The following CSNK1G1 variants were observed in gnomAD, a reference collection of about 807,000 sequenced individuals.
CSNK1G1 encodes casein kinase I isoform gamma-1.
CSNK1G1 carries 22 observed loss-of-function variants against 59.6 expected under a neutral mutation model. The observed-to-expected ratio is 0.37, with a 90% CI of 0.26 to 0.53. The LOEUF is 0.53. Ranked by LOEUF, CSNK1G1 falls within the 20% of genes least tolerant of loss-of-function variation. The pLI, the probability that CSNK1G1 is intolerant of heterozygous loss-of-function variation, is 0.89. For synonymous variants in CSNK1G1, 179 were observed against 177.1 expected (o/e 1.01, Z -0.08); for missense variants, 384 against 519.5 (o/e 0.74, Z 2.54).
At chr15:64,201,398 T>A (rs62024566) in intron 10 of CSNK1G1, among the ~76,000 whole-genome samples, 5,123 of 152,110 alleles carry the variant, frequency 0.034, 244 homozygotes, top group African/African-American at 0.11. Flanking sequence ...CACTAGCTAT[T>A]AGCTTTTAAA....
chr15:64,240,476 T>A (rs1347557697), intron 4 of CSNK1G1, among the ~76,000 whole-genome samples: 1 of 151,954 alleles, frequency 6.6e-6, no homozygotes, highest in Non-Finnish European at 1.5e-5. Context: ...CCCAAAAAGG[T>A]CCACTTTATA....
rs1314247760 is a variant in CSNK1G1 at position 64,165,535 on chromosome 15, ACAG to A, written c.*6393_*6395del. ...TTTCTTCTTCAGCACTCGAAGAGAG[ACAG>A]CAGTATTTATTTTTGAAGTGACTCA... On this transcript the variant is annotated 3_prime_UTR_variant, in exon 12 of 12. Coordinates refer to ENST00000303052, the MANE Select transcript of CSNK1G1 (RefSeq NM_022048.5). 1.3e-5 allele frequency: 2 copies of A among 152,354 alleles called. No individual in the cohort carries two copies. The highest frequency in any genetic ancestry group is 4.8e-5 in the African/African-American group (2 of 41,424). 9.4% of individuals were successfully genotyped at this position (152,354 alleles called of 1,614,324 possible).
At chr15:64,321,430 A>C (rs773388626) in intron 1 of CSNK1G1, among the ~76,000 whole-genome samples, 2 of 151,392 alleles carry the variant, frequency 1.3e-5, no homozygotes, top group African/African-American at 4.9e-5. Context: ...TAATTTTTCT[A>C]TTTTTTGGTG....
At chr15:64,298,722 A>C (rs1895155425) in intron 2 of CSNK1G1, among the ~76,000 whole-genome samples, 1 of 152,072 alleles carries the variant, frequency 6.6e-6, no homozygotes, top group Admixed American at 6.6e-5. Context: ...CATGTTCTCT[A>C]TGCAGGACCA....
At chr15:64,274,207 C>CA (rs1893480974) in intron 2 of CSNK1G1, among the ~76,000 whole-genome samples, 1 of 152,148 alleles carries the variant, frequency 6.6e-6, no homozygotes, top group Non-Finnish European at 1.5e-5. Flanking sequence ...AGCATTGCCT[C>CA]AAATGAATTT....
chr15:64,179,068 G>A (rs1443828481), intron 11 of CSNK1G1, among the ~76,000 whole-genome samples: 1 of 151,978 alleles, frequency 6.6e-6, no homozygotes, highest in African/African-American at 2.4e-5. Context: ...ACTTCTTGAA[G>A]GTAAAATGAG....
At chr15:64,248,236 C>G (rs1891862838) in intron 4 of CSNK1G1, among the ~76,000 whole-genome samples, 1 of 152,162 alleles carries the variant, frequency 6.6e-6, no homozygotes, top group Admixed American at 6.5e-5. Context: ...TGCTGTGCCT[C>G]TAAGTTAAAA....
intron 4 of CSNK1G1, among the ~76,000 whole-genome samples, chr15:64,224,801 C>A (rs1596120320): frequency 6.6e-6 from 1 of 152,004 alleles, no homozygotes; most frequent in Non-Finnish European, 1.5e-5. Context: ...TGAGGAAAGG[C>A]AAAAGAAGAG....
At chr15:64,195,637 T>A (rs1238019663) in intron 10 of CSNK1G1, among the ~76,000 whole-genome samples, 1 of 152,216 alleles carries the variant, frequency 6.6e-6, no homozygotes, top group Non-Finnish European at 1.5e-5. Context: ...TACTTCCTGA[T>A]TGAATTTGAT....
chr15:64,317,237 C>T (rs1317641732), intron 1 of CSNK1G1, among the ~76,000 whole-genome samples: 3 of 151,998 alleles, frequency 2.0e-5, no homozygotes, highest in Admixed American at 6.6e-5. Flanking sequence ...TACAGGTGTG[C>T]GCCACTACGC....
At chr15:64,320,540 G>A (rs538351525) in intron 1 of CSNK1G1, among the ~76,000 whole-genome samples, 2 of 151,840 alleles carry the variant, frequency 1.3e-5, no homozygotes, top group South Asian at 2.1e-4. Flanking sequence ...TTAGCTAGGC[G>A]TGGTGGCAAG....
intron 1 of CSNK1G1, among the ~76,000 whole-genome samples, chr15:64,314,314 T>C (rs1896153960): frequency 6.6e-6 from 1 of 152,110 alleles, no homozygotes; most frequent in African/African-American, 2.4e-5. Flanking sequence ...GTGGGAAGCC[T>C]TTTATTAGAA....
intron 10 of CSNK1G1, among the ~76,000 whole-genome samples, chr15:64,186,336 C>T (rs923507126): frequency 6.6e-6 from 1 of 152,190 alleles, no homozygotes; most frequent in African/African-American, 2.4e-5. Flanking sequence ...TGGTCTTGAA[C>T]TCCTGACCTT....
chr15:64,172,042 T>G, intron 11 of CSNK1G1, 57 bp from the exon 12 acceptor site: 14 of 1,469,704 alleles, frequency 9.5e-6, no homozygotes, highest in Non-Finnish European at 1.3e-5. Context: ...TCCAGCAGAC[T>G]TCTGCCTGCT....
chr15:64,226,503 C>CA (rs1426308660), intron 4 of CSNK1G1, among the ~76,000 whole-genome samples: 4 of 151,816 alleles, frequency 2.6e-5, no homozygotes, highest in Non-Finnish European at 4.4e-5. Context: ...CTGCAGTGAG[C>CA]CAAGATCGCA....
intron 1 of CSNK1G1, among the ~76,000 whole-genome samples, chr15:64,323,746 C>T (rs1596277528): frequency 6.6e-6 from 1 of 152,204 alleles, no homozygotes; most frequent in African/African-American, 2.4e-5. Context: ...TCCCCTCCTT[C>T]CTTCAAAACG....
At chr15:64,277,616 G>A (rs540438346) in intron 2 of CSNK1G1, among the ~76,000 whole-genome samples, 1,785 of 123,268 alleles carry the variant, frequency 0.014, 15 homozygotes, top group South Asian at 0.021. Flanking sequence ...ATTAATATTG[G>A]TATATTTAAT....
intron 2 of CSNK1G1, among the ~76,000 whole-genome samples, chr15:64,276,252 G>T (rs773356414): frequency 6.6e-6 from 1 of 152,128 alleles, no homozygotes; most frequent in East Asian, 1.9e-4. Context: ...ATATTATAGT[G>T]GTGGGCAGAA....
At chr15:64,181,695 C>G in intron 10 of CSNK1G1, 1 of 359,036 alleles carries the variant, frequency 2.8e-6, no homozygotes, top group Admixed American at 4.4e-5. Flanking sequence ...CAGTCTATGC[C>G]TAAGCTTCCT....
Sources: allele counts gnomAD v4.1 joint callset (sites outside exome capture counted in the v4.1 genomes callset), GRCh38; gene constraint gnomAD v4.1.1; transcripts MANE v1.5; gene names NCBI Gene and HGNC (gene_info 2026-07-23, HGNC 2026-07-21).